KRT75: variants seen among roughly 807,000 people sequenced by gnomAD.
KRT75 encodes keratin, type II cytoskeletal 75.
Under a neutral mutation model 48.8 loss-of-function variants are expected in KRT75, and 35 were observed. That is an observed-to-expected ratio of 0.72 (90% CI 0.55 to 0.95). The LOEUF is 0.95. Ranked by LOEUF, KRT75 falls within the 40% of genes least tolerant of loss-of-function variation. The probability of loss-of-function intolerance (pLI) is 0.00; values close to 1 mark genes in which losing one functional copy is unlikely to be tolerated. For missense variants in KRT75, 776 were observed against 709.9 expected, an observed-to-expected ratio of 1.09 and a Z score of -1.06; for synonymous variants, 301 against 282.3, an observed-to-expected ratio of 1.07 and a Z score of -0.66.
Position 52,433,816 on chromosome 12 carries a change from G to A in KRT75, c.489C>T (p.Phe163=), listed in dbSNP as rs1451215742. The part of the protein sequence containing the change: ...IKTLNNKFAS[F]IDKVRFLEQQ... ...TGAAGCCCCTGCTTACCTTGTCGAT[G>A]AAGGAGGCGAACTTATTGTTGAGGG... The change falls in exon 1 of 9, where the codon TTC becomes TTT. Residue 163 remains phenylalanine (F), a synonymous_variant. Coordinates refer to ENST00000252245, the MANE Select transcript of KRT75 (RefSeq NM_004693.3). 1.9e-6 allele frequency: 3 copies of A among 1,614,074 alleles called. No homozygotes were observed. Among genetic ancestry groups the A allele is most frequent in the Non-Finnish European group, 2.5e-6 (3 of 1,180,040 alleles).
In KRT75 at chr12:52,428,441, C is replaced by T. The variant is rs752863614; in HGVS notation, c.1197G>A (p.Glu399=). ...SSLQTAIADA[E]QRGELALKDA... is the part of the protein sequence containing the mutation. ...CCTTGAGAGCCAGTTCTCCCCGCTG[C>T]TCTGCATCAGCAATGGCCGTTTGCA... The change falls in exon 7 of 9, where the codon GAG becomes GAA. Residue 399 remains glutamate (E), a synonymous_variant. Coordinates refer to ENST00000252245, the MANE Select transcript of KRT75 (RefSeq NM_004693.3). 1 of 1,614,088 alleles carries T rather than the reference C, an allele frequency of 6.2e-7. No homozygotes were observed. The highest frequency in any genetic ancestry group is 1.6e-4 in the Middle Eastern group (1 of 6,062).
At chr12:52,433,278 C>T in intron 1 of KRT75, 26 bp from the exon 2 acceptor site, 1 of 1,599,280 alleles carries the variant, frequency 6.3e-7, no homozygotes, top group Non-Finnish European at 8.6e-7. Context: ...GAGAATGAAA[C>T]CTTGAGAAGT....
rs1045921554 is a variant in KRT75, at chr12:52,424,550, G to A, written c.1623C>T (p.Thr541=). ...GSGSSVKFVS[T]TSSSQKSYTH is the part of the protein sequence containing the mutation. The stretch of plus-strand genomic sequence containing the variant: ...TGTAGCTCTTCTGGCTGGAGGATGT[G>A]GTGGAGACAAACTTGACGCTAGAAC... The change falls in exon 9 of 9, where the codon ACC becomes ACT. Residue 541 remains threonine, a synonymous_variant. Coordinates refer to ENST00000252245, the MANE Select transcript of KRT75 (RefSeq NM_004693.3). The A allele has an allele frequency of 6.2e-7, 1 of 1,614,154 alleles. No homozygotes were observed. The highest frequency in any genetic ancestry group is 8.5e-7 in the Non-Finnish European group (1 of 1,180,008).
At position 52,424,723 on chromosome 12, in the gene KRT75, C is replaced by T; in HGVS notation, c.1450G>A (p.Gly484Arg). ...VVTSTLSSGY[G>R]SGSSIGGGNL... Reference sequence around the variant, plus strand: ...CCACCTCCAATGCTGCTGCCGCTTCCATAGCCACTGGAAAGAGTAGAGGTG... The same window carrying T: ...CCACCTCCAATGCTGCTGCCGCTTCTATAGCCACTGGAAAGAGTAGAGGTG... Residue 484 changes from glycine to arginine, a missense_variant, in exon 9 of 9, where the codon GGA (glycine) becomes AGA (arginine). Physicochemically the swap from Gly to Arg is moderately radical, Grantham distance 125. Transcript: ENST00000252245. 6.2e-7 allele frequency: 1 copy of T among 1,614,044 alleles called. No homozygotes were observed. Among genetic ancestry groups the T allele is most frequent in the Non-Finnish European group, 8.5e-7 (1 of 1,179,948 alleles).
chr12:52,426,278 C>T (rs1940075221), intron 8 of KRT75, among the ~76,000 whole-genome samples: 2 of 152,226 alleles, frequency 1.3e-5, no homozygotes, highest in Non-Finnish European at 2.9e-5. Context: ...TTTTATGCTG[C>T]CCTTACTGCC....
At position 52,434,189 on chromosome 12, in the gene KRT75, C is replaced by G; in HGVS notation, c.116G>C (p.Arg39Pro). Residue 39 changes from arginine to proline, a missense_variant, in exon 1 of 9, where the codon CGC (arginine) becomes CCC (proline). By Grantham distance (103) the Arg-to-Pro change is moderately radical. Transcript: ENST00000252245. ...CAGGCCCCCACTCCCTGCTGCAGAG[C>G]GGGCCACAGAGACAGAGCTGAAGCG... ...RSRFSSVSVA[R>P]SAAGSGGLGR... 1 of 1,609,290 alleles carries G rather than the reference C, an allele frequency of 6.2e-7. No homozygotes were observed. Among genetic ancestry groups the G allele is most frequent in the East Asian group, 2.2e-5 (1 of 44,818 alleles).
rs762043002 is a variant in KRT75, at chr12:52,428,611, T to C, written c.1161+7A>G. 1.5e-5 allele frequency: 25 copies of C among 1,614,120 alleles called. No individual in the cohort carries two copies. The South Asian group carries it at 2.7e-4, about 18-fold the overall frequency. ...TTGAGGAGCTCTTGGCCCTGCCAAATCTTTACCTGCTTCTTGACGCTGTCA... is the reference window on the plus strand; with the variant it reads ...TTGAGGAGCTCTTGGCCCTGCCAAACCTTTACCTGCTTCTTGACGCTGTCA... On this transcript the variant is annotated splice_region_variant and intron_variant, in intron 6 of 8. Transcript: ENST00000252245.
chr12:52,424,629 C>T lies in KRT75; in HGVS notation c.1544G>A (p.Gly515Asp), dbSNP rs753015824. The T allele has an allele frequency of 3.7e-6, 6 of 1,614,100 alleles. No homozygotes were observed. Among genetic ancestry groups the T allele is most frequent in the Non-Finnish European group, 5.1e-6 (6 of 1,180,034 alleles). The change falls in exon 9 of 9, where the codon GGC becomes GAC. Residue 515 changes from glycine to aspartate, a missense_variant. Transcript: ENST00000252245. ...GGCACTGAATCCAGAACCTCCCAGG[C>T]CTGCACCCAGGCTATGCCCACCACT... ...TTSGGHSLGAGLGGSGFSATS... is the reference protein window; with the variant it reads ...TTSGGHSLGADLGGSGFSATS...
intron 8 of KRT75, among the ~76,000 whole-genome samples, chr12:52,426,087 C>T (rs1940072526): frequency 6.6e-6 from 1 of 152,126 alleles, no homozygotes; most frequent in Admixed American, 6.5e-5. Context: ...CTTATGAATG[C>T]CCATCAAGAA....
intron 2 of KRT75, among the ~76,000 whole-genome samples, chr12:52,432,405 T>A (rs1347290859): frequency 1.3e-5 from 2 of 152,232 alleles, no homozygotes; most frequent in Non-Finnish European, 2.9e-5. Flanking sequence ...GGAGTAAACT[T>A]TATCTGTTCA....
intron 8 of KRT75, among the ~76,000 whole-genome samples, chr12:52,426,053 C>T (rs1323899840): frequency 1.3e-5 from 2 of 152,188 alleles, no homozygotes; most frequent in Non-Finnish European, 2.9e-5. Flanking sequence ...CTTCTAGAAT[C>T]ATTGGCTAAT....
At chr12:52,433,283 A>G in intron 1 of KRT75, 31 bp from the exon 2 acceptor site, 3 of 1,580,038 alleles carry the variant, frequency 1.9e-6, no homozygotes, top group South Asian at 2.2e-5. Flanking sequence ...TGAAACCTTG[A>G]GAAGTTGGAG....
intron 4 of KRT75, among the ~76,000 whole-genome samples, chr12:52,430,979 C>A (rs566932748): frequency 1.3e-5 from 2 of 152,116 alleles, no homozygotes; most frequent in Non-Finnish European, 2.9e-5. Context: ...GAATGTGACA[C>A]GTGTCTGTTC....
intron 4 of KRT75, 61 bp from the exon 5 acceptor site, chr12:52,430,766 G>T: frequency 6.3e-7 from 1 of 1,583,264 alleles, no homozygotes; most frequent in African/African-American, 1.3e-5. Flanking sequence ...AATCTTCGTG[G>T]TTAACTACCC....
At chr12:52,425,163 C>T (rs1194108697) in intron 8 of KRT75, among the ~76,000 whole-genome samples, 1 of 152,214 alleles carries the variant, frequency 6.6e-6, no homozygotes, top group Non-Finnish European at 1.5e-5. Flanking sequence ...CAGCCCCACA[C>T]TCAGAATCCC....
Position 52,424,281 on chromosome 12 carries a change from G to A in KRT75, c.*236C>T, listed in dbSNP as rs557225162. 4.9e-6 allele frequency: 3 copies of A among 614,460 alleles called. No individual in the cohort carries two copies. The highest frequency in any genetic ancestry group is 5.9e-6 in the Non-Finnish European group (2 of 340,694). 38.1% of individuals were successfully genotyped at this position (614,460 alleles called of 1,614,324 possible). A position where few individuals can be genotyped will look rare whatever the true frequency, so the allele number is the denominator to read the frequency against. ...GCCTCGCAAGATAGGCTGAATGAGAGCCTTAGGAGAGAGCAGGCTTTGGTT... is the reference window on the plus strand; with the variant it reads ...GCCTCGCAAGATAGGCTGAATGAGAACCTTAGGAGAGAGCAGGCTTTGGTT... On this transcript the variant is annotated 3_prime_UTR_variant, in exon 9 of 9. Transcript: ENST00000252245.
intron 5 of KRT75, among the ~76,000 whole-genome samples, chr12:52,428,979 G>C (rs970179802): frequency 6.6e-6 from 1 of 152,246 alleles, no homozygotes; most frequent in Admixed American, 6.5e-5. Flanking sequence ...AGGGTCCTGG[G>C]AGAGTGTAAT....
In KRT75 at chr12:52,424,425, C is replaced by T; in HGVS notation, c.*92G>A. Reference sequence around the variant, plus strand: ...CAGGCTCCCAGCAGCACAGGTGCACCTTACAAGGAGAGAGGAAGGAGGAGG... The same window carrying T: ...CAGGCTCCCAGCAGCACAGGTGCACTTTACAAGGAGAGAGGAAGGAGGAGG... On this transcript the variant is annotated 3_prime_UTR_variant, in exon 9 of 9. Coordinates refer to ENST00000252245, the MANE Select transcript of KRT75 (RefSeq NM_004693.3). The T allele has an allele frequency of 8.4e-7, 1 of 1,197,600 alleles. No individual in the cohort carries two copies. The highest frequency in any genetic ancestry group is 1.2e-6 in the Non-Finnish European group (1 of 800,734). 74.2% of individuals were successfully genotyped at this position (1,197,600 alleles called of 1,614,324 possible).
rs2232400 is a variant in KRT75, at chr12:52,428,817, C to A, written c.1036-74G>T. 2.4e-4 allele frequency: 384 copies of A among 1,585,486 alleles called. 2 individuals carry two copies. Among genetic ancestry groups the A allele is most frequent in the Non-Finnish European group, 3.1e-4 (363 of 1,156,506 alleles). ...GGCACTCGCTGTGCACACAGACCCA[C>A]CCTGGGTGCCACAAGCAGGCTCATT... On this transcript the variant is annotated intron_variant, in intron 5 of 8. Coordinates refer to ENST00000252245, the MANE Select transcript of KRT75 (RefSeq NM_004693.3).
Sources: allele counts gnomAD v4.1 joint callset (sites outside exome capture counted in the v4.1 genomes callset), GRCh38; gene constraint gnomAD v4.1.1; transcripts MANE v1.5; gene names NCBI Gene and HGNC (gene_info 2026-07-23, HGNC 2026-07-21).